Variants in NEB observed in about 807,000 individuals in gnomAD.
NEB encodes nemaline myopathy type 2.
In NEB, 512 loss-of-function variants were observed where a neutral mutation model predicts 952.2. The ratio of observed to expected loss-of-function variants is 0.54; its 90% CI spans 0.50 to 0.58. The LOEUF (loss-of-function observed/expected upper bound fraction) is 0.58. NEB is among the 20% of genes least tolerant of loss of function. The pLI is 0.00. For synonymous variants in NEB, 2,900 were observed against 3,149.8 expected, an observed-to-expected ratio of 0.92 and a Z score of 2.66; for missense variants, 8,428 against 9,231.1, an observed-to-expected ratio of 0.91 and a Z score of 3.56.
rs537769519 is a variant in NEB at position 151,677,618 on chromosome 2, C to T, written c.3721G>A (p.Val1241Met). The change falls in exon 34 of 182, where the codon GTG (valine) becomes ATG (methionine). Residue 1241 changes from valine (V) to methionine (M), a missense_variant. Around this residue, in one of 11 missense-constraint regions of NEB, gnomAD observed 2,851 missense variants for 2,791.5 expected, o/e 1.02. Transcript: ENST00000397345. ...GCCTGGACCATAACTGGGGAGTCCA[C>T]AATGCTGGTAAATTTGAGGGTGTCT... is the stretch of plus-strand genomic sequence containing the variant. ...HPDTLKFTSIVDSPVMVQAKQ... is the reference protein window; with the variant it reads ...HPDTLKFTSIMDSPVMVQAKQ... 6.2e-7 allele frequency: 1 copy of T among 1,613,984 alleles called. No homozygotes were observed. Among genetic ancestry groups the T allele is most frequent in the Non-Finnish European group, 8.5e-7 (1 of 1,179,888 alleles).
Position 151,640,087 on chromosome 2 carries a change from T to C in NEB, c.8686-27A>G, listed in dbSNP as rs537810047. ...TGTTGACACAAATAGCCAATAAATA[T>C]TTATCTCTGTATCAGCAATGCATTT... On this transcript the variant is annotated intron_variant, in intron 61 of 181. Coordinates refer to ENST00000397345, the MANE Select transcript of NEB (RefSeq NM_001164508.2). 8.1e-5 allele frequency: 129 copies of C among 1,590,266 alleles called. 2 individuals are homozygous for C. The South Asian group carries it at 1.4e-3, about 17-fold the overall frequency.
At chr2:151,616,764 A>G (rs1397616519) in intron 75 of NEB, among the ~76,000 whole-genome samples, 1 of 152,224 alleles carries the variant, frequency 6.6e-6, no homozygotes, top group Non-Finnish European at 1.5e-5. Flanking sequence ...GCATCTTAAC[A>G]CAAAAGAAGA....
chr2:151,577,327 C>T (rs555971855), intron 105 of NEB, among the ~76,000 whole-genome samples: 6 of 152,248 alleles, frequency 3.9e-5, no homozygotes, highest in African/African-American at 1.4e-4. Context: ...ATCACACAGC[C>T]TGTCTTTCAA....
intron 52 of NEB, among the ~76,000 whole-genome samples, chr2:151,652,065 T>C (rs2099036219): frequency 1.3e-5 from 2 of 152,274 alleles, no homozygotes; most frequent in South Asian, 4.1e-4. Flanking sequence ...TTTGAAGACC[T>C]ATCAAGTGGA....
chr2:151,537,103 T>C (rs2093329752), intron 141 of NEB, 29 bp downstream of exon 141: 1 of 1,405,580 alleles, frequency 7.1e-7, no homozygotes, highest in Non-Finnish European at 1.0e-6. Flanking sequence ...GTCGAATGGA[T>C]GAGGCCAATT....
intron 13 of NEB, among the ~76,000 whole-genome samples, chr2:151,698,635 A>ATTTTTTT (rs1269569080): frequency 7.7e-6 from 1 of 130,556 alleles, no homozygotes; most frequent in Non-Finnish European, 1.6e-5. Context: ...TACTTCATTA[A>ATTTTTTT]TTTTTTTTTT....
rs771890971 is a variant in NEB at position 151,567,291 on chromosome 2, G to A, written c.18033C>T (p.Ala6011=). The change falls in exon 114 of 182, where the codon GCC becomes GCT. Residue 6011 remains alanine, a synonymous_variant. Coordinates refer to ENST00000397345, the MANE Select transcript of NEB (RefSeq NM_001164508.2). ...TGACAAGGGTCTGCCCCTGCTTGGC[G>A]GCCAAGACTGACACCATATCAGCAG... ...NIPADMVSVL[A]AKQGQTLVSD... 44 of 1,613,758 alleles carry A rather than the reference G, an allele frequency of 2.7e-5. No individual in the cohort carries two copies. The highest frequency in any genetic ancestry group is 5.0e-5 in the Admixed American group (3 of 59,976).
At chr2:151,565,655 T>C (rs1467279455) in intron 115 of NEB, 50 bp from the exon 116 acceptor site, 3 of 1,564,032 alleles carry the variant, frequency 1.9e-6, no homozygotes, top group Non-Finnish European at 2.6e-6. Context: ...ACAGGTTATC[T>C]ACCCCAACAT....
intron 168 of NEB, among the ~76,000 whole-genome samples, chr2:151,500,221 G>A (rs1243436016): frequency 6.6e-6 from 1 of 151,920 alleles, no homozygotes; most frequent in Admixed American, 6.6e-5. Flanking sequence ...AAAGACAGTG[G>A]GACCAAAGAA....
At position 151,500,467 on chromosome 2, in the gene NEB, A is replaced by G. The variant is rs373946062; in HGVS notation, c.24021+924T>C. On this transcript the variant is annotated intron_variant, in intron 168 of 181. Coordinates refer to ENST00000397345, the MANE Select transcript of NEB (RefSeq NM_001164508.2). ...TTAGAGTTTTTCAGCAACAATATTA[A>G]TAAAAGATAACATTAAATATAAGCT... Among the ~76,000 whole-genome samples the G allele has an allele frequency of 1.4e-4, 21 of 152,256 alleles. No homozygotes were observed. The East Asian group carries it at 2.7e-3, about 20-fold the overall frequency.
chr2:151,524,247 T>TC (rs1399203750), intron 153 of NEB, 64 bp downstream of exon 153: 14 of 1,364,746 alleles, frequency 1.0e-5, no homozygotes, highest in Non-Finnish European at 1.5e-5. Context: ...GGAAATCACT[T>TC]CTTCCTGCAA....
intron 57 of NEB, 101 bp downstream of exon 57, chr2:151,643,717 C>G: frequency 6.6e-7 from 1 of 1,521,160 alleles, no homozygotes; most frequent in Non-Finnish European, 8.9e-7. Context: ...GGGCATTAGT[C>G]CAGGGTAATT....
intron 127 of NEB, 75 bp from the exon 128 acceptor site, chr2:151,552,851 T>C: frequency 9.3e-7 from 1 of 1,072,614 alleles, no homozygotes; most frequent in Middle Eastern, 2.0e-4. Context: ...ACAGAGGGTT[T>C]GGTTGCTTTT....
At chr2:151,515,008 A>G (rs1427693501) in intron 157 of NEB, 80 bp from the exon 158 acceptor site, 1 of 897,390 alleles carries the variant, frequency 1.1e-6, no homozygotes, top group African/African-American at 1.7e-5. Flanking sequence ...AAGAAAAAAA[A>G]AACAGCATTT....
chr2:151,562,851 T>C (rs1009809401), intron 119 of NEB, 43 bp from the exon 120 acceptor site: 11 of 1,385,288 alleles, frequency 7.9e-6, no homozygotes, highest in Non-Finnish European at 1.0e-5. Context: ...GGTTTAAATG[T>C]AAATTATTCA....
Position 151,666,388 on chromosome 2 carries a change from T to G in NEB, c.4733A>C (p.Glu1578Ala), listed in dbSNP as rs752372235. The G allele has an allele frequency of 1.9e-6, 3 of 1,613,410 alleles. No homozygotes were observed. The highest frequency in any genetic ancestry group is 1.7e-5 in the Admixed American group (1 of 59,970). ...RNIASDCKYK[E>A]AYEKAKGKQV... ...CTTGCCTTTGGCTTTCTCGTAGGCCTCCTTATATTTGCACTATTTGAAAAC... is the reference window on the plus strand; with the variant it reads ...CTTGCCTTTGGCTTTCTCGTAGGCCGCCTTATATTTGCACTATTTGAAAAC... Residue 1578 changes from glutamate to alanine, a missense_variant, in exon 41 of 182, where the codon GAG becomes GCG. This residue lies in a region of NEB where 2,851 missense variants were observed against 2,791.5 expected (regional missense o/e 1.02). Coordinates refer to ENST00000397345, the MANE Select transcript of NEB (RefSeq NM_001164508.2).
chr2:151,713,032 T>C (rs1356237720), intron 10 of NEB, among the ~76,000 whole-genome samples: 1 of 152,076 alleles, frequency 6.6e-6, no homozygotes, highest in Non-Finnish European at 1.5e-5. Context: ...GTCAGGCCAA[T>C]TCCAAGCTCT....
chr2:151,509,529 G>C (rs185402811), intron 161 of NEB, among the ~76,000 whole-genome samples: 1 of 152,280 alleles, frequency 6.6e-6, no homozygotes, highest in East Asian at 1.9e-4. Flanking sequence ...TGAACTCCCT[G>C]GTGTTCCCAG....
chr2:151,561,347 A>G (rs533918654), intron 121 of NEB, 35 bp from the exon 122 acceptor site: 1 of 1,444,842 alleles, frequency 6.9e-7, no homozygotes, highest in Non-Finnish European at 9.5e-7. Context: ...AAAAATGGTA[A>G]CATACAGGTC....
Sources: allele counts gnomAD v4.1 joint callset (sites outside exome capture counted in the v4.1 genomes callset), GRCh38; gene constraint gnomAD v4.1.1; regional missense constraint gnomAD v4.1.1; transcripts MANE v1.5; gene names NCBI Gene and HGNC (gene_info 2026-07-23, HGNC 2026-07-21).